Variants in ANKS1B observed in about 807,000 individuals in gnomAD.
ANKS1B encodes ankyrin repeat and sterile alpha motif domain-containing protein 1B.
ANKS1B carries 36 observed loss-of-function variants against 148.3 expected under a neutral mutation model. The observed-to-expected ratio is 0.24, with a 90% CI of 0.19 to 0.32. The LOEUF is 0.32. Ranked by LOEUF, ANKS1B falls within the 10% of genes least tolerant of loss-of-function variation. The pLI, the probability that ANKS1B is intolerant of heterozygous loss-of-function variation, is 1.00. For synonymous variants in ANKS1B, 542 were observed against 560.8 expected, an observed-to-expected ratio of 0.97 and a Z score of 0.47; for missense variants, 1,157 against 1,542.6, an observed-to-expected ratio of 0.75 and a Z score of 4.19.
intron 17 of ANKS1B, among the ~76,000 whole-genome samples, chr12:98,870,929 G>C (rs1300987097): frequency 6.6e-6 from 1 of 152,212 alleles, no homozygotes; most frequent in Non-Finnish European, 1.5e-5. Flanking sequence ...GCAGGCTTGT[G>C]TCATTCCTCT....
At chr12:98,741,873 C>T (rs1030020965), downstream of ANKS1B, among the ~76,000 whole-genome samples, 1 of 152,206 alleles carries the variant, frequency 6.6e-6, no homozygotes, top group African/African-American at 2.4e-5. Context: ...GTCTTACTGC[C>T]ACTTGAGAGG....
intron 14 of ANKS1B, among the ~76,000 whole-genome samples, chr12:99,212,058 GA>G (rs1190153153): frequency 6.6e-5 from 10 of 152,062 alleles, no homozygotes; most frequent in Non-Finnish European, 1.3e-4. Context: ...AACAGAAAAG[GA>G]AAAAAGTCCA....
chr12:98,839,253 G>A lies in ANKS1B; in HGVS notation c.2779-7117C>T, dbSNP rs776699785. ...CTTTCACATATAACCACCATGTTATGCAATTTGTGAGCCACAAAGAAGAAA... is the reference window on the plus strand; with the variant it reads ...CTTTCACATATAACCACCATGTTATACAATTTGTGAGCCACAAAGAAGAAA... On this transcript the variant is annotated intron_variant, in intron 17 of 26. Coordinates refer to ENST00000683438, the MANE Select transcript of ANKS1B (RefSeq NM_001352186.2). Among the ~76,000 whole-genome samples, 45 of 152,182 alleles carry A rather than the reference G, an allele frequency of 3.0e-4. 1 individual carries two copies. Among genetic ancestry groups the A allele is most frequent in the Non-Finnish European group, 5.0e-4 (34 of 68,034 alleles).
intron 25 of ANKS1B, among the ~76,000 whole-genome samples, chr12:98,761,308 A>T (rs1211962667): frequency 6.6e-6 from 1 of 152,238 alleles, no homozygotes; most frequent in African/African-American, 2.4e-5. Flanking sequence ...ATTATTACAC[A>T]GTATCCCCTC....
At chr12:98,861,505 G>A (rs1048672771) in intron 17 of ANKS1B, among the ~76,000 whole-genome samples, 3 of 152,094 alleles carry the variant, frequency 2.0e-5, no homozygotes, top group African/African-American at 4.8e-5. Context: ...CACTAGCTTC[G>A]CTCAGCAAAT....
chr12:99,631,967 A>G (rs2098165264), intron 9 of ANKS1B, among the ~76,000 whole-genome samples: 1 of 152,166 alleles, frequency 6.6e-6, no homozygotes, highest in Non-Finnish European at 1.5e-5. Flanking sequence ...ATTCCTCAAG[A>G]AAATGGAAGA....
chr12:99,505,307 T>G (rs2096698925), intron 9 of ANKS1B, among the ~76,000 whole-genome samples: 1 of 152,086 alleles, frequency 6.6e-6, no homozygotes, highest in South Asian at 2.1e-4. Context: ...GTTTCTCCAG[T>G]CTTCTTACAT....
At chr12:99,315,995 T>C (rs1358093805) in intron 12 of ANKS1B, among the ~76,000 whole-genome samples, 1 of 152,188 alleles carries the variant, frequency 6.6e-6, no homozygotes, top group Non-Finnish European at 1.5e-5. Context: ...ACAAAGGACA[T>C]GAACTCATCA....
intron 8 of ANKS1B, among the ~76,000 whole-genome samples, chr12:99,664,341 A>T (rs1321137349): frequency 7.2e-5 from 11 of 152,116 alleles, no homozygotes; most frequent in African/African-American, 2.6e-4. Context: ...TTATATATTT[A>T]TTTTTTGTAT....
chr12:98,910,820 G>GT (rs2099785756), intron 17 of ANKS1B, among the ~76,000 whole-genome samples: 1 of 152,124 alleles, frequency 6.6e-6, no homozygotes, highest in African/African-American at 2.4e-5. Context: ...CTTTAGTGTG[G>GT]TTTTGTTGAT....
At chr12:99,458,988 T>C (rs1331267882) in intron 10 of ANKS1B, among the ~76,000 whole-genome samples, 1 of 152,098 alleles carries the variant, frequency 6.6e-6, no homozygotes, top group African/African-American at 2.4e-5. Context: ...ATATCCCTGA[T>C]TAACATAGAT....
chr12:98,888,963 A>G (rs1013910790), intron 17 of ANKS1B, among the ~76,000 whole-genome samples: 3 of 152,252 alleles, frequency 2.0e-5, no homozygotes, highest in African/African-American at 4.8e-5. Context: ...ATGTGCCCAG[A>G]AGATAGCAGA....
intron 17 of ANKS1B, among the ~76,000 whole-genome samples, chr12:99,005,499 C>G (rs1323840706): frequency 6.6e-6 from 1 of 152,202 alleles, no homozygotes; most frequent in Non-Finnish European, 1.5e-5. Context: ...AGGATCAACT[C>G]AGATGGCCAC....
intron 14 of ANKS1B, among the ~76,000 whole-genome samples, chr12:99,161,404 C>T (rs1045849885): frequency 1.7e-4 from 26 of 152,054 alleles, no homozygotes; most frequent in African/African-American, 6.3e-4. Flanking sequence ...TGGCATGTGC[C>T]TATCATCCCA....
chr12:99,499,658 G>A (rs1478552142), intron 10 of ANKS1B, among the ~76,000 whole-genome samples: 1 of 152,004 alleles, frequency 6.6e-6, no homozygotes, highest in Admixed American at 6.6e-5. Flanking sequence ...AGTAGGCCAT[G>A]GCAGCGATAT....
At chr12:99,253,848 T>G (rs1319730761) in intron 12 of ANKS1B, among the ~76,000 whole-genome samples, 1 of 152,146 alleles carries the variant, frequency 6.6e-6, no homozygotes, top group Non-Finnish European at 1.5e-5. Flanking sequence ...TCATATCCAG[T>G]GTGGTAAAGA....
intron 8 of ANKS1B, among the ~76,000 whole-genome samples, chr12:99,716,275 C>G (rs1377522847): frequency 6.6e-6 from 1 of 151,946 alleles, no homozygotes; most frequent in Non-Finnish European, 1.5e-5. Flanking sequence ...CGCCCCGATC[C>G]CTTATTTCCA....
chr12:98,976,631 T>C (rs1426598939), intron 17 of ANKS1B: 1 of 152,036 alleles, frequency 6.6e-6, no homozygotes, highest in Non-Finnish European at 1.5e-5. Flanking sequence ...AAAAATTATA[T>C]AAAGAAGAGC....
intron 12 of ANKS1B, among the ~76,000 whole-genome samples, chr12:99,332,749 TGAAGGAAGGGTTA>T (rs1274593467): frequency 1.3e-5 from 2 of 150,776 alleles, no homozygotes; most frequent in Non-Finnish European, 3.0e-5. Flanking sequence ...GTGGGCAGGA[TGAAGGAAGGGTTA>T]GAAAGAAGGG....
Sources: gnomAD v4.1 joint callset for allele counts (sites outside exome capture counted in the v4.1 genomes callset) on GRCh38, gnomAD v4.1.1 for gene constraint, MANE v1.5 for transcripts, NCBI Gene and HGNC (gene_info 2026-07-23, HGNC 2026-07-21) for gene names.